Variants in FGB observed in about 807,000 individuals in gnomAD.
The protein encoded by FGB is beta-fibrinogen.
A neutral mutation model predicts 57.9 loss-of-function variants in FGB; 25 were observed. The observed-to-expected ratio is 0.43, with a 90% CI of 0.31 to 0.60. The LOEUF is 0.60. Ranked by LOEUF, FGB falls within the 20% of genes least tolerant of loss-of-function variation. The probability of loss-of-function intolerance (pLI) is 0.08; values close to 1 mark genes in which losing one functional copy is unlikely to be tolerated. For synonymous variants in FGB, 203 were observed against 199.2 expected (o/e 1.02, Z -0.16); for missense variants, 536 against 598.4 (o/e 0.90, Z 1.09).
intron 7 of FGB, 78 bp downstream of exon 7, chr4:154,569,877 T>C (rs1418672192): frequency 7.9e-6 from 12 of 1,516,242 alleles, no homozygotes; most frequent in Middle Eastern, 1.7e-4. Context: ...ATATTTTTAA[T>C]AGCTACCACT....
At position 154,563,076 on chromosome 4, in the gene FGB, T is replaced by C. The variant is rs1398578995; in HGVS notation, c.58T>C (p.Leu20=). 3 of 1,576,706 alleles carry C rather than the reference T, an allele frequency of 1.9e-6. No individual in the cohort carries two copies. Among genetic ancestry groups the C allele is most frequent in the Admixed American group, 1.8e-5 (1 of 56,236 alleles). Residue 20 remains leucine (L), a synonymous_variant, in exon 1 of 8, where the codon TTG becomes CTG. Coordinates refer to ENST00000302068, the MANE Select transcript of FGB (RefSeq NM_005141.5). The part of the protein sequence containing the change: ...HKLKTMKHLL[L]LLLCVFLVKS... ...ACTTAAAACCATGAAACATCTATTA[T>C]TGCTACTATTGTGTGTTTTTCTAGT...
chr4:154,565,163 C>T (rs760067226), intron 1 of FGB: 56 of 460,228 alleles, frequency 1.2e-4, no homozygotes, highest in African/African-American at 8.5e-4. Flanking sequence ...CAGATTCAAA[C>T]TATCATTACA....
At position 154,570,550 on chromosome 4, in the gene FGB, A is replaced by G. The variant is rs749273737; in HGVS notation, c.1376A>G (p.His459Arg). The G allele has an allele frequency of 6.2e-7, 1 of 1,614,176 alleles. No individual in the cohort carries two copies. The highest frequency in any genetic ancestry group is 1.1e-5 in the South Asian group (1 of 91,088). The part of the protein sequence containing the change: ...GGQYTWDMAK[H>R]GTDDGVVWMN... ...CAGTACACCTGGGACATGGCAAAGC[A>G]TGGCACAGATGATGGTGTAGTATGG... is the stretch of plus-strand genomic sequence containing the variant. The change falls in exon 8 of 8, where the codon CAT (histidine) becomes CGT (arginine). Residue 459 changes from histidine to arginine, a missense_variant. Physicochemically the swap from His to Arg is conservative, Grantham distance 29. Coordinates refer to ENST00000302068, the MANE Select transcript of FGB (RefSeq NM_005141.5).
chr4:154,568,505 G>T lies in FGB; in HGVS notation c.832+11G>T. On this transcript the variant is annotated intron_variant, in intron 5 of 7. Transcript: ENST00000302068. ...ATACAGAAAATGGAGGTAAGCTTTC[G>T]ACAGTTGTTGACCTGTTGATCTGTA... is the stretch of plus-strand genomic sequence containing the variant. 7.7e-7 allele frequency: 1 copy of T among 1,296,574 alleles called. No homozygotes were observed. Among genetic ancestry groups the T allele is most frequent in the South Asian group, 1.2e-5 (1 of 84,730 alleles). 80.3% of individuals were successfully genotyped at this position (1,296,574 alleles called of 1,614,324 possible). A position where few individuals can be genotyped will look rare whatever the true frequency, so the allele number is the denominator to read the frequency against.
At position 154,570,698 on chromosome 4, in the gene FGB, T is replaced by C. The variant is rs746673921; in HGVS notation, c.*48T>C. The C allele has an allele frequency of 2.9e-6, 4 of 1,391,250 alleles. No individual in the cohort carries two copies. The highest frequency in any genetic ancestry group is 4.1e-6 in the Non-Finnish European group (4 of 980,432). The allele number at this position is 1,391,250 out of a possible 1,614,324, so 86.2% of individuals were successfully genotyped here. A position where few individuals can be genotyped will look rare whatever the true frequency, so the allele number is the denominator to read the frequency against. On this transcript the variant is annotated 3_prime_UTR_variant, in exon 8 of 8. Coordinates refer to ENST00000302068, the MANE Select transcript of FGB (RefSeq NM_005141.5). ...TCTTCTGTATGTGACAACATTTTTG[T>C]ACATTATGTTATTGGAATTTTCTTT...
intron 3 of FGB, 67 bp from the exon 4 acceptor site, chr4:154,567,526 A>G (rs184508823): frequency 1.2e-5 from 11 of 939,072 alleles, no homozygotes; most frequent in Admixed American, 3.5e-5. Context: ...TCAAAATTGT[A>G]TAGTTAAATA....
rs747658026 is a variant in FGB at position 154,568,358 on chromosome 4, A to G, written c.719-23A>G. The stretch of plus-strand genomic sequence containing the variant: ...GTAATTATGTCATAAACCCCTGAAC[A>G]TAATGTTGTCTTACATTTGCAGAAT... On this transcript the variant is annotated intron_variant, in intron 4 of 7. Coordinates refer to ENST00000302068, the MANE Select transcript of FGB (RefSeq NM_005141.5). The G allele has an allele frequency of 9.1e-6, 11 of 1,215,180 alleles. No individual in the cohort carries two copies. In the South Asian group the frequency reaches 1.2e-4, roughly 13 times the overall value. The allele number at this position is 1,215,180 out of a possible 1,614,324, so 75.3% of individuals were successfully genotyped here.
chr4:154,563,506 T>G (rs1466303086), intron 1 of FGB, among the ~76,000 whole-genome samples: 1 of 151,850 alleles, frequency 6.6e-6, no homozygotes, highest in African/African-American at 2.4e-5. Context: ...GAGCAGAATT[T>G]TAAGATAAAA....
intron 5 of FGB, among the ~76,000 whole-genome samples, chr4:154,568,700 CAAAAA>C (rs33927322): frequency 6.2e-5 from 8 of 129,540 alleles, no homozygotes; most frequent in East Asian, 2.2e-4. Context: ...AAAAAAATAC[CAAAAA>C]AAAAAAAAAA....
intron 1 of FGB, chr4:154,565,344 A>G (rs777660927): frequency 9.7e-6 from 3 of 310,812 alleles, no homozygotes; most frequent in Non-Finnish European, 2.0e-5. Flanking sequence ...TCAACCTTTA[A>G]TAAGTCTTTA....
chr4:154,565,249 A>G, intron 1 of FGB: 1 of 446,338 alleles, frequency 2.2e-6, no homozygotes, highest in Non-Finnish European at 4.6e-6. Flanking sequence ...AGTCAACCCT[A>G]CGGTCAAGAC....
At chr4:154,564,442 G>A (rs748245438) in intron 1 of FGB, among the ~76,000 whole-genome samples, 44 of 152,190 alleles carry the variant, frequency 2.9e-4, no homozygotes, top group Non-Finnish European at 5.4e-4. Flanking sequence ...GAGAGGGTAA[G>A]CTCTGACTAG....
intron 6 of FGB, 43 bp downstream of exon 6, chr4:154,569,350 G>A: frequency 3.1e-6 from 5 of 1,612,540 alleles, no homozygotes; most frequent in Non-Finnish European, 1.7e-6. Flanking sequence ...TATTTGAAAT[G>A]GGATTTTTTT....
intron 1 of FGB, chr4:154,565,272 G>A (rs1364257173): frequency 9.6e-6 from 4 of 414,922 alleles, no homozygotes; most frequent in African/African-American, 4.2e-5. Context: ...ACAAGTAGCC[G>A]AGCTCCAGAG....
intron 6 of FGB, 81 bp from the exon 7 acceptor site, chr4:154,569,433 G>T: frequency 6.3e-7 from 1 of 1,581,104 alleles, no homozygotes; most frequent in South Asian, 1.1e-5. Context: ...AAATGTGGAA[G>T]CTAAAGATAA....
chr4:154,565,891 C>T lies in FGB; in HGVS notation c.198C>T (p.Ile66=), dbSNP rs1730136641. ...APSLRPAPPP[I]SGGGYRARPA... ...GCCTGAGGCCTGCCCCACCGCCCATCAGTGGAGGTGGCTATCGGGCTCGTC... is the reference window on the plus strand; with the variant it reads ...GCCTGAGGCCTGCCCCACCGCCCATTAGTGGAGGTGGCTATCGGGCTCGTC... Residue 66 remains isoleucine, a synonymous_variant, in exon 2 of 8, where the codon ATC becomes ATT. Transcript: ENST00000302068. 6.2e-7 allele frequency: 1 copy of T among 1,613,930 alleles called. No homozygotes were observed. Among genetic ancestry groups the T allele is most frequent in the Admixed American group, 1.7e-5 (1 of 59,994 alleles).
rs762504717 is a variant in FGB at position 154,566,659 on chromosome 4, G to A, written c.477G>A (p.Gln159=). The change falls in exon 3 of 8, where the codon CAG becomes CAA. Residue 159 remains glutamine (Q), a synonymous_variant. Transcript: ENST00000302068. ...TGAAAGACCTGTGGCAAAAGAGGCA[G>A]AAGCAAGTAAAAGGTAGATATCCTT... ...YLLKDLWQKR[Q]KQVKDNENVV... is the part of the protein sequence containing the mutation. The A allele has an allele frequency of 6.8e-6, 11 of 1,614,132 alleles. No homozygotes were observed. In the South Asian group the frequency reaches 1.1e-4, roughly 16 times the overall value.
Position 154,569,306 on chromosome 4 carries a change from A to G in FGB, c.957A>G (p.Pro319=), listed in dbSNP as rs1166701895. 14 of 1,614,020 alleles carry G rather than the reference A, an allele frequency of 8.7e-6. No homozygotes were observed. Among genetic ancestry groups the G allele is most frequent in the South Asian group, 1.1e-5 (1 of 91,084 alleles). ...NTDGKNYCGL[P]GEYWLGNDKI... ...ATGGGAAGAATTACTGTGGCCTACCAGGTAACGAACAGGCATGCAAAATAA... is the reference window on the plus strand; with the variant it reads ...ATGGGAAGAATTACTGTGGCCTACCGGGTAACGAACAGGCATGCAAAATAA... Residue 319 remains proline, a splice_region_variant and synonymous_variant, in exon 6 of 8, where the codon CCA becomes CCG. Transcript: ENST00000302068.
intron 1 of FGB, among the ~76,000 whole-genome samples, chr4:154,564,328 T>C (rs1730066818): frequency 6.6e-6 from 1 of 152,084 alleles, no homozygotes; most frequent in African/African-American, 2.4e-5. Context: ...AGACCATCCA[T>C]GCTACCTCTC....
Sources: gnomAD v4.1 joint callset for allele counts (sites outside exome capture counted in the v4.1 genomes callset) on GRCh38, gnomAD v4.1.1 for gene constraint, MANE v1.5 for transcripts, NCBI Gene and HGNC (gene_info 2026-07-23, HGNC 2026-07-21) for gene names.